Variants in CDH8 observed in about 807,000 individuals in gnomAD.
CDH8 encodes cadherin-8.
In CDH8, 17 loss-of-function variants were observed where a neutral mutation model predicts 68.1. The observed-to-expected ratio is 0.25, with a 90% CI of 0.17 to 0.37. The LOEUF (loss-of-function observed/expected upper bound fraction) is 0.37, where lower values mean the gene tolerates loss of function less well. Ranked by LOEUF, CDH8 falls within the 10% of genes least tolerant of loss-of-function variation. The probability of loss-of-function intolerance (pLI) is 1.00; values close to 1 mark genes in which losing one functional copy is unlikely to be tolerated. For synonymous variants in CDH8, 372 were observed against 365.1 expected (o/e 1.02, Z -0.21); for missense variants, 763 against 999.3 (o/e 0.76, Z 3.19).
At position 61,653,435 on chromosome 16, in the gene CDH8, AC is replaced by A. The variant is rs1451892675; in HGVS notation, c.*172del. The A allele has an allele frequency of 2.7e-5, 38 of 1,413,052 alleles. No individual in the cohort carries two copies. Among genetic ancestry groups the A allele is most frequent in the Non-Finnish European group, 3.4e-5 (37 of 1,085,460 alleles). 87.5% of individuals were successfully genotyped at this position (1,413,052 alleles called of 1,614,324 possible). A position where few individuals can be genotyped will look rare whatever the true frequency, so the allele number is the denominator to read the frequency against. On this transcript the variant is annotated 3_prime_UTR_variant, in exon 12 of 12. Transcript: ENST00000577390. ...CAAGATTTATAACCTCCTAACATAT[AC>A]TTTTTTATTTTATTATCTTTTTTTG...
At position 61,825,242 on chromosome 16, in the gene CDH8, A is replaced by G; in HGVS notation, c.668-63T>C. 2.3e-6 allele frequency: 3 copies of G among 1,296,076 alleles called. 1 individual carries two copies. In the South Asian group the frequency reaches 3.9e-5, roughly 17 times the overall value. The allele number at this position is 1,296,076 out of a possible 1,614,324, so 80.3% of individuals were successfully genotyped here. ...AGCTAATTCAAAAATGAAAGTGTTAATCTCACACATGCACACATACACACA... is the reference window on the plus strand; with the variant it reads ...AGCTAATTCAAAAATGAAAGTGTTAGTCTCACACATGCACACATACACACA... On this transcript the variant is annotated intron_variant, in intron 4 of 11. Coordinates refer to ENST00000577390, the MANE Select transcript of CDH8 (RefSeq NM_001796.5).
intron 2 of CDH8, among the ~76,000 whole-genome samples, chr16:62,004,263 A>G (rs994755203): frequency 4.6e-5 from 7 of 152,298 alleles, no homozygotes; most frequent in South Asian, 4.1e-4. Flanking sequence ...ACCTTTCTCA[A>G]TGAGGAAACT....
intron 8 of CDH8, among the ~76,000 whole-genome samples, chr16:61,777,660 G>A (rs943055029): frequency 2.0e-5 from 3 of 152,126 alleles, no homozygotes; most frequent in African/African-American, 7.2e-5. Flanking sequence ...TAGAATGGTT[G>A]CAGAACAAAG....
At chr16:62,034,070 T>C (rs969564400) in intron 1 of CDH8, among the ~76,000 whole-genome samples, 2 of 152,244 alleles carry the variant, frequency 1.3e-5, no homozygotes, top group South Asian at 4.1e-4. Context: ...ATGATGATTA[T>C]GGAGAACTCC....
intron 8 of CDH8, among the ~76,000 whole-genome samples, chr16:61,732,120 T>C (rs889646346): frequency 2.0e-5 from 3 of 151,480 alleles, no homozygotes; most frequent in Non-Finnish European, 4.4e-5. Context: ...CAGTGAAATA[T>C]GGGACACCAT....
chr16:61,749,181 A>G (rs1180068959), intron 8 of CDH8, among the ~76,000 whole-genome samples: 1 of 152,002 alleles, frequency 6.6e-6, no homozygotes, highest in Non-Finnish European at 1.5e-5. Flanking sequence ...CAATAGTTCT[A>G]GTTTGGAACC....
At chr16:61,983,741 T>C (rs1965576679) in intron 2 of CDH8, among the ~76,000 whole-genome samples, 2 of 152,166 alleles carry the variant, frequency 1.3e-5, no homozygotes, top group Admixed American at 1.3e-4. Flanking sequence ...ACAATAGATA[T>C]TTATTTCTCA....
chr16:61,687,554 T>C (rs149715823), intron 10 of CDH8, among the ~76,000 whole-genome samples: 2 of 152,114 alleles, frequency 1.3e-5, no homozygotes, highest in East Asian at 3.9e-4. Flanking sequence ...TGCTATCAAT[T>C]TAAATATACT....
chr16:61,780,474 C>T (rs1596960646), intron 8 of CDH8, among the ~76,000 whole-genome samples: 1 of 152,320 alleles, frequency 6.6e-6, no homozygotes, highest in Middle Eastern at 3.4e-3. Flanking sequence ...AACAGATGGA[C>T]TTTGCTAAAA....
intron 2 of CDH8, among the ~76,000 whole-genome samples, chr16:61,913,819 AT>A (rs1427612897): frequency 6.6e-6 from 1 of 152,198 alleles, no homozygotes; most frequent in East Asian, 1.9e-4. Context: ...TAATATTAAT[AT>A]TTTATGAAAA....
Position 61,652,083 on chromosome 16 carries a change from A to G in CDH8, c.*1525T>C, listed in dbSNP as rs1963334479. 5.5e-6 allele frequency: 5 copies of G among 903,618 alleles called. No homozygotes were observed. Among genetic ancestry groups the G allele is most frequent in the African/African-American group, 1.8e-5 (1 of 55,526 alleles). The allele number at this position is 903,618 out of a possible 1,614,324, so 56.0% of individuals were successfully genotyped here. ...TCTCTGAATACAATACATGGAGTGA[A>G]TAAACAATATTGCATTAAAGCAAAG... is the stretch of plus-strand genomic sequence containing the variant. On this transcript the variant is annotated 3_prime_UTR_variant, in exon 12 of 12. Transcript: ENST00000577390.
intron 3 of CDH8, among the ~76,000 whole-genome samples, chr16:61,895,303 C>T (rs533535534): frequency 2.0e-5 from 3 of 152,010 alleles, no homozygotes; most frequent in African/African-American, 7.2e-5. Context: ...CTGGTTAAGC[C>T]CATGGGAGGT....
chr16:61,911,283 T>G (rs1442575145), intron 2 of CDH8, among the ~76,000 whole-genome samples: 1 of 152,028 alleles, frequency 6.6e-6, no homozygotes, highest in African/African-American at 2.4e-5. Flanking sequence ...AATGCATGGA[T>G]GAAGGGCATA....
In CDH8 at chr16:61,730,430, G is replaced by A. The variant is rs761529040; in HGVS notation, c.1415-3215C>T. 7.3e-5 allele frequency among the ~76,000 whole-genome samples: 11 copies of A among 151,368 alleles called. No homozygotes were observed. In the South Asian group the frequency reaches 1.5e-3, roughly 20 times the overall value. On this transcript the variant is annotated intron_variant, in intron 8 of 11. Transcript: ENST00000577390. The stretch of plus-strand genomic sequence containing the variant: ...TCAATTATCATCTTTCTTGTGTCCC[G>A]GCACCTCTGCAAGCGACTAATGTTT...
At chr16:61,788,939 T>C (rs1961311246) in intron 8 of CDH8, among the ~76,000 whole-genome samples, 1 of 152,064 alleles carries the variant, frequency 6.6e-6, no homozygotes, top group Non-Finnish European at 1.5e-5. Context: ...CACATGTATG[T>C]ATGCATGTGT....
chr16:61,794,354 G>A (rs574274538), intron 7 of CDH8, among the ~76,000 whole-genome samples: 6 of 151,986 alleles, frequency 3.9e-5, no homozygotes, highest in Non-Finnish European at 7.4e-5. Flanking sequence ...GCGTATATGT[G>A]ATTTAGTTAT....
At chr16:61,683,565 T>C (rs1166791689) in intron 10 of CDH8, among the ~76,000 whole-genome samples, 1 of 152,020 alleles carries the variant, frequency 6.6e-6, no homozygotes, top group Admixed American at 6.6e-5. Context: ...GGTAGGTCCT[T>C]TACAACAAAT....
intron 1 of CDH8, among the ~76,000 whole-genome samples, chr16:62,023,033 GA>G: frequency 6.6e-6 from 1 of 152,266 alleles, no homozygotes; most frequent in Non-Finnish European, 1.5e-5. Flanking sequence ...ACGGAGTCCA[GA>G]ACAAAGTCTC....
At chr16:61,680,503 C>G (rs995077196) in intron 10 of CDH8, among the ~76,000 whole-genome samples, 14 of 151,652 alleles carry the variant, frequency 9.2e-5, no homozygotes, top group African/African-American at 3.4e-4. Context: ...AGGTAAATTC[C>G]TTCTCATACT....
Sources: allele counts gnomAD v4.1 joint callset (sites outside exome capture counted in the v4.1 genomes callset), GRCh38; gene constraint gnomAD v4.1.1; transcripts MANE v1.5; gene names NCBI Gene and HGNC (gene_info 2026-07-23, HGNC 2026-07-21).